PATL2: variants seen among roughly 807,000 people sequenced by gnomAD.
PATL2 encodes protein PAT1 homolog 2.
Under a neutral mutation model 77.0 loss-of-function variants are expected in PATL2, and 73 were observed. The observed-to-expected ratio is 0.95, with a 90% CI of 0.78 to 1.15. The LOEUF is 1.15. Among genes scored for constraint, PATL2 ranks in the 50% most tolerant of loss-of-function variants. The pLI is 0.00. For synonymous variants in PATL2, 265 were observed against 257.1 expected, an observed-to-expected ratio of 1.03 and a Z score of -0.29; for missense variants, 618 against 655.4, an observed-to-expected ratio of 0.94 and a Z score of 0.62.
chr15:44,706,825 G>C (rs2086747382), intron 3 of PATL2, among the ~76,000 whole-genome samples: 1 of 152,216 alleles, frequency 6.6e-6, no homozygotes, highest in Admixed American at 6.5e-5. Context: ...CCAAGCTTAT[G>C]TCCCTCTCTT....
At chr15:44,685,284 T>G (rs550961869) in intron 3 of PATL2, among the ~76,000 whole-genome samples, 1 of 152,284 alleles carries the variant, frequency 6.6e-6, no homozygotes, top group East Asian at 1.9e-4. Flanking sequence ...AATGCCCCAA[T>G]TAAAAGACAC....
intron 3 of PATL2, among the ~76,000 whole-genome samples, chr15:44,688,564 C>A (rs1161155001): frequency 1.3e-5 from 2 of 152,142 alleles, no homozygotes; most frequent in East Asian, 1.9e-4. Flanking sequence ...CACACATCTA[C>A]AACCATCTGA....
chr15:44,691,138 AT>A (rs2086381703), intron 3 of PATL2, among the ~76,000 whole-genome samples: 1 of 152,094 alleles, frequency 6.6e-6, no homozygotes, highest in Admixed American at 6.5e-5. Flanking sequence ...ATATTTGGTT[AT>A]AAAAAACTCA....
chr15:44,676,024 A>C, intron 4 of PATL2: 1 of 332,102 alleles, frequency 3.0e-6, no homozygotes, highest in African/African-American at 2.1e-5. Context: ...TCTAAGTAAA[A>C]AATTTAAAAA....
intron 6 of PATL2, among the ~76,000 whole-genome samples, 180 bp downstream of exon 6, chr15:44,673,970 G>A (rs949149361): frequency 6.6e-6 from 1 of 152,128 alleles, no homozygotes; most frequent in Non-Finnish European, 1.5e-5. Flanking sequence ...GTCTATCCAT[G>A]CCCCTGCTTG....
intron 3 of PATL2, among the ~76,000 whole-genome samples, chr15:44,703,166 C>T (rs571658022): frequency 6.6e-6 from 1 of 152,196 alleles, no homozygotes; most frequent in East Asian, 1.9e-4. Flanking sequence ...GTCCCAGCTA[C>T]TCAGGAGGCT....
At position 44,665,921 on chromosome 15, in the gene PATL2, T is replaced by G; in HGVS notation, c.*32A>C. 1 of 1,550,590 alleles carries G rather than the reference T, an allele frequency of 6.4e-7. No individual in the cohort carries two copies. Among genetic ancestry groups the G allele is most frequent in the East Asian group, 2.4e-5 (1 of 40,870 alleles). ...TGTAGCTAGTGTCTGATGATTCAAC[T>G]TCCCACATACACGTATTCCAGAACA... On this transcript the variant is annotated 3_prime_UTR_variant, in exon 18 of 18. Transcript: ENST00000682850.
At chr15:44,701,876 T>C (rs182494884) in intron 3 of PATL2, among the ~76,000 whole-genome samples, 50 of 151,994 alleles carry the variant, frequency 3.3e-4, no homozygotes, top group Admixed American at 1.8e-3. Flanking sequence ...GCACTTCACA[T>C]GGTAAGATTT....
intron 3 of PATL2, among the ~76,000 whole-genome samples, chr15:44,702,047 T>G (rs2141265428): frequency 6.6e-6 from 1 of 152,232 alleles, no homozygotes; most frequent in East Asian, 1.9e-4. Context: ...GGATTACAAT[T>G]CAACATGAGA....
intron 3 of PATL2, chr15:44,677,007 T>TG: frequency 1.5e-6 from 1 of 663,804 alleles, no homozygotes; most frequent in Non-Finnish European, 1.9e-6. Context: ...CATTGGGGCC[T>TG]GATGGAAATA....
intron 3 of PATL2, among the ~76,000 whole-genome samples, chr15:44,702,511 C>A (rs1309149716): frequency 6.6e-6 from 1 of 151,498 alleles, no homozygotes; most frequent in Non-Finnish European, 1.5e-5. Flanking sequence ...TTTATTATTT[C>A]TTTCCTTCTA....
At chr15:44,704,146 G>A (rs1378233369) in intron 3 of PATL2, among the ~76,000 whole-genome samples, 6 of 150,264 alleles carry the variant, frequency 4.0e-5, no homozygotes, top group African/African-American at 1.5e-4. Context: ...GTGCCACTAT[G>A]TCTGGCTAAT....
chr15:44,697,578 C>G (rs758898701), intron 3 of PATL2: 9 of 152,088 alleles, frequency 5.9e-5, no homozygotes, highest in Non-Finnish European at 8.8e-5. Context: ...TTCCCCTCAC[C>G]TTCTCATTTG....
intron 3 of PATL2, among the ~76,000 whole-genome samples, chr15:44,697,139 T>A (rs951613067): frequency 1.3e-5 from 2 of 151,898 alleles, no homozygotes. Flanking sequence ...CTTCTCCTCC[T>A]CCTCCCTCTT....
At chr15:44,673,056 G>A (rs2085767780) in intron 7 of PATL2, among the ~76,000 whole-genome samples, 179 bp downstream of exon 7, 1 of 152,184 alleles carries the variant, frequency 6.6e-6, no homozygotes, top group African/African-American at 2.4e-5. Flanking sequence ...CACAGCACCC[G>A]GCTTTAAATA....
rs149545958 is a variant in PATL2, at chr15:44,668,335, A to G, written c.1365+7T>C. On this transcript the variant is annotated splice_region_variant and intron_variant, in intron 15 of 17. Transcript: ENST00000682850. ...ATCTATGGAAAAAAGCCTCCTAGACATGTTACCTGATTCTGAAGCACCACG... is the reference window on the plus strand; with the variant it reads ...ATCTATGGAAAAAAGCCTCCTAGACGTGTTACCTGATTCTGAAGCACCACG... 928 of 1,549,970 alleles carry G rather than the reference A, an allele frequency of 6.0e-4. 8 individuals are homozygous for G. In the African/African-American group the frequency reaches 9.8e-3, roughly 16 times the overall value.
rs1202208840 is a variant in PATL2, at chr15:44,675,635, G to A, written c.73C>T (p.Gln25Ter). Reference sequence around the variant, plus strand: ...TCATTCTCTTCTTCTTTTTCCAACTGGCAGGCAGACACCAGCTCCTCCTCA... The same window carrying A: ...TCATTCTCTTCTTCTTTTTCCAACTAGCAGGCAGACACCAGCTCCTCCTCA... ...ASEEELVSAC[Q>*]LEKEEENEGE... Residue 25 changes from glutamine to a stop codon, truncating the protein, a stop_gained, in exon 5 of 18, where the codon CAG becomes TAG. Transcript: ENST00000682850. LOFTEE classifies it high-confidence loss of function. The A allele has an allele frequency of 6.4e-7, 1 of 1,551,628 alleles. No homozygotes were observed. The highest frequency in any genetic ancestry group is 1.2e-5 in the South Asian group (1 of 84,046).
intron 3 of PATL2, among the ~76,000 whole-genome samples, chr15:44,685,948 C>T (rs1261260540): frequency 6.6e-6 from 1 of 152,138 alleles, no homozygotes; most frequent in Non-Finnish European, 1.5e-5. Context: ...GACTCCCACA[C>T]AATAATAGTG....
chr15:44,682,843 G>A (rs75308737), intron 3 of PATL2, among the ~76,000 whole-genome samples: 3,428 of 152,308 alleles, frequency 0.023, 54 homozygotes, highest in Non-Finnish European at 0.032. Flanking sequence ...AGCTCCAAGA[G>A]AGATCAACAC....
Sources: allele counts gnomAD v4.1 joint callset (sites outside exome capture counted in the v4.1 genomes callset), GRCh38; gene constraint gnomAD v4.1.1; transcripts MANE v1.5; gene names NCBI Gene and HGNC (gene_info 2026-07-23, HGNC 2026-07-21).